Variants in CADPS2 observed in about 807,000 individuals in gnomAD.
CADPS2 encodes the protein calcium dependent secretion activator 2, also known as calcium-dependent secretion activator 2.
CADPS2 carries 93 observed loss-of-function variants against 172.5 expected under a neutral mutation model. That is an observed-to-expected ratio of 0.54 (90% confidence interval 0.46 to 0.64). The LOEUF (loss-of-function observed/expected upper bound fraction) is 0.64, where lower values mean the gene tolerates loss of function less well. Among genes scored for constraint, CADPS2 ranks in the 30% least tolerant of loss-of-function variants. CADPS2 has a pLI of 0.00. For missense variants in CADPS2, 1,420 were observed against 1,565.9 expected (o/e 0.91, Z 1.57); for synonymous variants, 546 against 555.2 (o/e 0.98, Z 0.23).
intron 3 of CADPS2, among the ~76,000 whole-genome samples, chr7:122,659,273 C>T (rs1274792969): frequency 8.5e-5 from 9 of 105,588 alleles, no homozygotes; most frequent in Non-Finnish European, 1.2e-4. Context: ...AAGCAGGAGA[C>T]GGAAACTACC....
At chr7:122,409,480 C>A in intron 19 of CADPS2, 1 of 250,544 alleles carries the variant, frequency 4.0e-6, no homozygotes, top group African/African-American at 2.3e-5. Flanking sequence ...TTTTTTTTTT[C>A]AAAACAGCTT....
At chr7:122,844,443 T>C (rs1168170026) in intron 1 of CADPS2, among the ~76,000 whole-genome samples, 1 of 151,848 alleles carries the variant, frequency 6.6e-6, no homozygotes, top group Non-Finnish European at 1.5e-5. Flanking sequence ...CTAAACGACA[T>C]ATCTTTTCAA....
chr7:122,349,557 A>T (rs1162040258), intron 27 of CADPS2, among the ~76,000 whole-genome samples: 2 of 152,158 alleles, frequency 1.3e-5, no homozygotes, highest in Non-Finnish European at 2.9e-5. Context: ...ACAAAAATCT[A>T]AAAAATTCCC....
intron 8 of CADPS2, among the ~76,000 whole-genome samples, chr7:122,549,811 A>C (rs1032025735): frequency 1.3e-5 from 2 of 152,090 alleles, no homozygotes; most frequent in East Asian, 3.9e-4. Flanking sequence ...TATTTTAGAC[A>C]AGGACACAGG....
At chr7:122,711,649 T>C (rs1000819417) in intron 2 of CADPS2, among the ~76,000 whole-genome samples, 4 of 152,046 alleles carry the variant, frequency 2.6e-5, no homozygotes, top group Non-Finnish European at 5.9e-5. Flanking sequence ...ACAATATATG[T>C]TTTACATTTT....
chr7:122,709,801 G>A (rs1413413978), intron 2 of CADPS2, among the ~76,000 whole-genome samples: 12 of 151,760 alleles, frequency 7.9e-5, no homozygotes, highest in East Asian at 5.8e-4. Flanking sequence ...GTAAACTATC[G>A]CAAGGACAAA....
At chr7:122,717,667 T>A (rs1032033456) in intron 2 of CADPS2, among the ~76,000 whole-genome samples, 2 of 152,140 alleles carry the variant, frequency 1.3e-5, no homozygotes, top group African/African-American at 4.8e-5. Context: ...TTCCATCCCT[T>A]TCATTGTTTA....
intron 17 of CADPS2, among the ~76,000 whole-genome samples, chr7:122,437,402 T>C (rs1233297096): frequency 1.3e-5 from 2 of 152,084 alleles, no homozygotes; most frequent in African/African-American, 2.4e-5. Context: ...CAAACAATTA[T>C]CATCAATCTT....
chr7:122,670,021 AG>A (rs1466489330), intron 2 of CADPS2, among the ~76,000 whole-genome samples: 3 of 151,658 alleles, frequency 2.0e-5, no homozygotes, highest in Non-Finnish European at 4.4e-5. Flanking sequence ...CTATCCTCTC[AG>A]GCCCTTCTTC....
intron 2 of CADPS2, among the ~76,000 whole-genome samples, chr7:122,721,755 C>T (rs201959382): frequency 6.6e-6 from 1 of 152,098 alleles, no homozygotes; most frequent in East Asian, 1.9e-4. Flanking sequence ...GAATTTTACA[C>T]CAATATCCCT....
intron 2 of CADPS2, chr7:122,681,723 T>G: frequency 1.7e-6 from 1 of 580,640 alleles, no homozygotes; most frequent in Non-Finnish European, 2.9e-6. Context: ...AAATGGAAAT[T>G]GTAAAAAAAT....
At chr7:122,418,342 G>A (rs1348708836) in intron 17 of CADPS2, among the ~76,000 whole-genome samples, 1 of 152,176 alleles carries the variant, frequency 6.6e-6, no homozygotes, top group Non-Finnish European at 1.5e-5. Context: ...CTAAAAAGCA[G>A]TGAAGGTGAG....
In CADPS2 at chr7:122,775,440, G is replaced by A. The variant is rs185400446; in HGVS notation, c.340-38372C>T. Among the ~76,000 whole-genome samples, 9 of 152,256 alleles carry A rather than the reference G, an allele frequency of 5.9e-5. No individual in the cohort carries two copies. In the East Asian group the frequency reaches 1.7e-3, roughly 29 times the overall value. On this transcript the variant is annotated intron_variant, in intron 1 of 29. Transcript: ENST00000449022. The stretch of plus-strand genomic sequence containing the variant: ...CCCAGGGGGATGCTGCATCTAAAGT[G>A]CATCTGTGTCACACCTGAGAAAACT...
chr7:122,432,010 G>A (rs943173706), intron 17 of CADPS2, among the ~76,000 whole-genome samples: 7 of 152,134 alleles, frequency 4.6e-5, no homozygotes, highest in African/African-American at 1.7e-4. Flanking sequence ...TGGTATATAA[G>A]CATTTTCTCT....
chr7:122,704,258 A>T (rs533845531), intron 2 of CADPS2, among the ~76,000 whole-genome samples: 43 of 151,188 alleles, frequency 2.8e-4, no homozygotes, highest in African/African-American at 4.6e-4. Flanking sequence ...TTGCTTTTTT[A>T]AAAAAAAACT....
intron 28 of CADPS2, among the ~76,000 whole-genome samples, chr7:122,327,560 G>GA (rs2034121054): frequency 6.6e-6 from 1 of 151,926 alleles, no homozygotes; most frequent in Non-Finnish European, 1.5e-5. Flanking sequence ...TGAGGGAAAT[G>GA]AAAAAACTTT....
intron 17 of CADPS2, among the ~76,000 whole-genome samples, chr7:122,430,685 C>A (rs188922311): frequency 1.3e-5 from 2 of 152,114 alleles, no homozygotes; most frequent in Non-Finnish European, 2.9e-5. Flanking sequence ...CATTTTATAA[C>A]CCCAAGATTA....
At chr7:122,674,115 G>A (rs922388320) in intron 2 of CADPS2, among the ~76,000 whole-genome samples, 16 of 152,200 alleles carry the variant, frequency 1.1e-4, no homozygotes, top group Admixed American at 3.9e-4. Context: ...CTGGCTGGCC[G>A]CTCCAAGTGT....
intron 8 of CADPS2, among the ~76,000 whole-genome samples, chr7:122,514,529 G>C (rs2060216651): frequency 6.6e-6 from 1 of 152,012 alleles, no homozygotes; most frequent in Non-Finnish European, 1.5e-5. Context: ...CTAAGGTGTG[G>C]GGAATTAATG....
Sources: allele counts gnomAD v4.1 joint callset (sites outside exome capture counted in the v4.1 genomes callset), GRCh38; gene constraint gnomAD v4.1.1; transcripts MANE v1.5; gene names NCBI Gene and HGNC (gene_info 2026-07-23, HGNC 2026-07-21).